Variants in POLDIP3 observed in about 807,000 individuals in gnomAD.
POLDIP3 encodes the protein polymerase delta-interacting protein 3.
A neutral mutation model predicts 45.1 loss-of-function variants in POLDIP3; 14 were observed. That is an observed-to-expected ratio of 0.31 (90% CI 0.20 to 0.49). The LOEUF is 0.49. Among genes scored for constraint, POLDIP3 ranks in the 20% least tolerant of loss-of-function variants. The probability of loss-of-function intolerance (pLI) is 0.99; values close to 1 mark genes in which losing one functional copy is unlikely to be tolerated. For synonymous variants in POLDIP3, 223 were observed against 205.2 expected (o/e 1.09, Z -0.74); for missense variants, 511 against 538.8 (o/e 0.95, Z 0.51).
intron 7 of POLDIP3, among the ~76,000 whole-genome samples, chr22:42,591,665 C>T (rs573501167): frequency 3.9e-5 from 6 of 152,370 alleles, no homozygotes; most frequent in South Asian, 4.1e-4. Context: ...TGGGAGGCAA[C>T]AGCTGTGCCT....
chr22:42,589,432 ACAAT>A (rs1188038969), intron 7 of POLDIP3, among the ~76,000 whole-genome samples: 3 of 152,208 alleles, frequency 2.0e-5, no homozygotes, highest in Admixed American at 6.5e-5. Flanking sequence ...CAGGAAGAAA[ACAAT>A]CAAACATATA....
At chr22:42,603,898 T>C (rs1430578805) in intron 1 of POLDIP3, among the ~76,000 whole-genome samples, 1 of 152,146 alleles carries the variant, frequency 6.6e-6, no homozygotes, top group African/African-American at 2.4e-5. Context: ...ATATAATCCA[T>C]GGAACAAACA....
At chr22:42,588,654 GTTTCGC>G (rs1925473847) in intron 7 of POLDIP3, among the ~76,000 whole-genome samples, 1 of 144,332 alleles carries the variant, frequency 6.9e-6, no homozygotes, top group Non-Finnish European at 1.5e-5. Flanking sequence ...TTGAGATGGA[GTTTCGC>G]TCTTATTGCC....
Position 42,607,666 on chromosome 22 carries a change from C to A in POLDIP3, c.60-4506G>T, listed in dbSNP as rs373370722. ...GCCATCCCATCTAGGAAGTGAGGAG[C>A]GTCTCGGCCCGGCCGTCCATCGTCT... On this transcript the variant is annotated intron_variant, in intron 1 of 8. Transcript: ENST00000252115. Among the ~76,000 whole-genome samples the A allele has an allele frequency of 2.4e-3, 361 of 151,190 alleles. 20 individuals are homozygous for A. The South Asian group carries it at 0.074, about 31-fold the overall frequency.
At chr22:42,589,549 C>T (rs146896793) in intron 7 of POLDIP3, among the ~76,000 whole-genome samples, 1 of 152,186 alleles carries the variant, frequency 6.6e-6, no homozygotes, top group East Asian at 1.9e-4. Context: ...GTGGCTCACA[C>T]CTCTAATCCC....
At chr22:42,614,523 G>A (rs554657029) in intron 1 of POLDIP3, among the ~76,000 whole-genome samples, 2 of 152,264 alleles carry the variant, frequency 1.3e-5, no homozygotes, top group South Asian at 2.1e-4. Context: ...GAACGCGGGG[G>A]CCCCAGGGGG....
intron 2 of POLDIP3, 55 bp from the exon 3 acceptor site, chr22:42,602,111 G>T (rs367965817): frequency 6.2e-7 from 1 of 1,611,944 alleles, no homozygotes; most frequent in Non-Finnish European, 8.5e-7. Flanking sequence ...GCATTCTCTA[G>T]AAGAAGGGGG....
At chr22:42,589,158 G>A (rs752385970) in intron 7 of POLDIP3, among the ~76,000 whole-genome samples, 6 of 151,512 alleles carry the variant, frequency 4.0e-5, no homozygotes, top group African/African-American at 7.3e-5. Context: ...CACAAAAATC[G>A]CTTGAACCTG....
intron 1 of POLDIP3, among the ~76,000 whole-genome samples, chr22:42,608,240 A>T (rs905641499): frequency 2.7e-5 from 4 of 148,360 alleles, no homozygotes; most frequent in Non-Finnish European, 5.9e-5. Flanking sequence ...GGATGCTGTT[A>T]ATCTATAACC....
At position 42,585,301 on chromosome 22, in the gene POLDIP3, C is replaced by G. The variant is rs371308777; in HGVS notation, c.*490G>C. On this transcript the variant is annotated 3_prime_UTR_variant, in exon 9 of 9. Transcript: ENST00000252115. ...CCACTGACAAGACAGAGGAGCGGCACAGCTCTCAGGCCGACCTGGCTCCCG... is the reference window on the plus strand; with the variant it reads ...CCACTGACAAGACAGAGGAGCGGCAGAGCTCTCAGGCCGACCTGGCTCCCG... 14 of 509,166 alleles carry G rather than the reference C, an allele frequency of 2.7e-5. No homozygotes were observed. The highest frequency in any genetic ancestry group is 2.0e-4 in the South Asian group (14 of 69,442). The allele number at this position is 509,166 out of a possible 1,614,324, so 31.5% of individuals were successfully genotyped here.
intron 4 of POLDIP3, among the ~76,000 whole-genome samples, chr22:42,598,486 C>T (rs375278990): frequency 2.6e-5 from 4 of 151,466 alleles, no homozygotes; most frequent in Non-Finnish European, 4.4e-5. Context: ...CTCCTGACTT[C>T]GTGATCCACC....
chr22:42,612,026 T>C (rs2146840231), intron 1 of POLDIP3, among the ~76,000 whole-genome samples: 1 of 152,218 alleles, frequency 6.6e-6, no homozygotes, highest in East Asian at 1.9e-4. Context: ...AAAAACGGAG[T>C]TTCCAGAAGA....
At chr22:42,597,852 C>T in intron 4 of POLDIP3, 2 of 420,838 alleles carry the variant, frequency 4.8e-6, no homozygotes, top group Non-Finnish European at 9.6e-6. Flanking sequence ...GCAATCTTGG[C>T]TCACTGCAAC....
intron 4 of POLDIP3, among the ~76,000 whole-genome samples, chr22:42,598,824 G>A (rs1926165147): frequency 6.6e-6 from 1 of 152,214 alleles, no homozygotes; most frequent in African/African-American, 2.4e-5. Flanking sequence ...TGGCCTCCCT[G>A]TCTGACACTT....
At position 42,602,765 on chromosome 22, in the gene POLDIP3, C is replaced by T. The variant is rs1254570547; in HGVS notation, c.450+5G>A. On this transcript the variant is annotated splice_donor_5th_base_variant and intron_variant, in intron 2 of 8. Transcript: ENST00000252115. ...TGGGAATTCATGACAAAAGCCACAA[C>T]TCACCTGGATGGTTTTGGTGAGCTT... is the stretch of plus-strand genomic sequence containing the variant. The T allele has an allele frequency of 1.3e-6, 2 of 1,586,338 alleles. No homozygotes were observed. Among genetic ancestry groups the T allele is most frequent in the Admixed American group, 1.7e-5 (1 of 57,210 alleles).
At chr22:42,589,691 A>C (rs1925547534) in intron 7 of POLDIP3, among the ~76,000 whole-genome samples, 1 of 151,928 alleles carries the variant, frequency 6.6e-6, no homozygotes, top group Non-Finnish European at 1.5e-5. Flanking sequence ...GAAAAATACA[A>C]ATATTAGCTG....
chr22:42,601,131 A>C (rs6002811), intron 3 of POLDIP3, among the ~76,000 whole-genome samples: 3,715 of 152,218 alleles, frequency 0.024, 152 homozygotes, highest in African/African-American at 0.085. Flanking sequence ...AACTATGGCA[A>C]AATTTCAACA....
chr22:42,591,032 C>T (rs1925633514), intron 7 of POLDIP3, among the ~76,000 whole-genome samples: 1 of 150,326 alleles, frequency 6.7e-6, no homozygotes, highest in Non-Finnish European at 1.5e-5. Context: ...TGAGATCACG[C>T]CACTGCACCC....
At chr22:42,609,892 C>G (rs2146836930) in intron 1 of POLDIP3, among the ~76,000 whole-genome samples, 1 of 152,286 alleles carries the variant, frequency 6.6e-6, no homozygotes, top group East Asian at 1.9e-4. Flanking sequence ...CTATCCCCTG[C>G]TGGGCGAGGT....
Sources: gnomAD v4.1 joint callset for allele counts (sites outside exome capture counted in the v4.1 genomes callset) on GRCh38, gnomAD v4.1.1 for gene constraint, MANE v1.5 for transcripts, NCBI Gene and HGNC (gene_info 2026-07-23, HGNC 2026-07-21) for gene names.